MAST2: variants seen among roughly 807,000 people sequenced by gnomAD.
The protein encoded by MAST2 is microtubule-associated serine/threonine-protein kinase 2.
In MAST2, 70 loss-of-function variants were observed where a neutral mutation model predicts 147.4. The ratio of observed to expected loss-of-function variants is 0.47; its 90% CI spans 0.39 to 0.58. MAST2 has a LOEUF of 0.58. Among genes scored for constraint, MAST2 ranks in the 20% least tolerant of loss-of-function variants. The probability of loss-of-function intolerance (pLI) is 0.00; values close to 1 mark genes in which losing one functional copy is unlikely to be tolerated. For missense variants in MAST2, 2,080 were observed against 2,302.3 expected, an observed-to-expected ratio of 0.90 and a Z score of 1.98; for synonymous variants, 869 against 896.8, an observed-to-expected ratio of 0.97 and a Z score of 0.55.
At chr1:45,931,377 G>GATTT (rs1553235899) in intron 4 of MAST2, among the ~76,000 whole-genome samples, 4 of 101,224 alleles carry the variant, frequency 4.0e-5, no homozygotes, top group Admixed American at 2.5e-4. Context: ...ATTGTGTTCT[G>GATTT]TTTTTTTTTT....
rs779025021 is a variant in MAST2 at position 46,028,923 on chromosome 1, G to A, written c.2208G>A (p.Gln736=). The A allele has an allele frequency of 1.3e-6, 2 of 1,592,836 alleles. No individual in the cohort carries two copies. Among genetic ancestry groups the A allele is most frequent in the South Asian group, 2.3e-5 (2 of 86,222 alleles). Residue 736 remains glutamine (Q), a synonymous_variant, in exon 18 of 29, where the codon CAG becomes CAA. Coordinates refer to ENST00000361297, the MANE Select transcript of MAST2 (RefSeq NM_015112.3). ...FGDTPEELFG[Q]VISDEIVWPE... Reference sequence around the variant, plus strand: ...ATACTCCGGAGGAGCTCTTTGGGCAGGTGATCAGTGGTAGGTACTATGCCC... The same window carrying A: ...ATACTCCGGAGGAGCTCTTTGGGCAAGTGATCAGTGGTAGGTACTATGCCC...
chr1:45,914,709 A>G (rs1446670654), intron 4 of MAST2, among the ~76,000 whole-genome samples: 1 of 152,194 alleles, frequency 6.6e-6, no homozygotes, highest in African/African-American at 2.4e-5. Flanking sequence ...TATTGATTGA[A>G]TTAATGATTC....
At chr1:45,916,295 T>C (rs1652492726) in intron 4 of MAST2, among the ~76,000 whole-genome samples, 1 of 152,022 alleles carries the variant, frequency 6.6e-6, no homozygotes, top group Non-Finnish European at 1.5e-5. Context: ...ACTTAAGTAA[T>C]TTTTTTACCT....
intron 4 of MAST2, chr1:45,917,607 T>A: frequency 9.1e-7 from 1 of 1,095,896 alleles, no homozygotes; most frequent in South Asian, 1.3e-5. Flanking sequence ...ACCTTACTCC[T>A]TAATAATGGG....
chr1:45,937,369 G>T (rs141311529), intron 4 of MAST2, among the ~76,000 whole-genome samples: 1 of 150,970 alleles, frequency 6.6e-6, no homozygotes, highest in Non-Finnish European at 1.5e-5. Flanking sequence ...GGGCCCAAGC[G>T]ATCCTCCCAC....
chr1:45,928,246 C>G (rs534227089), intron 4 of MAST2, among the ~76,000 whole-genome samples: 1 of 152,314 alleles, frequency 6.6e-6, no homozygotes, highest in African/African-American at 2.4e-5. Context: ...GTCATTTCAT[C>G]TATACATATT....
intron 3 of MAST2, among the ~76,000 whole-genome samples, chr1:45,879,077 T>G (rs1048493317): frequency 6.6e-6 from 1 of 151,722 alleles, no homozygotes; most frequent in African/African-American, 2.4e-5. Context: ...AACCACAGAA[T>G]CATGATAGTG....
intron 3 of MAST2, among the ~76,000 whole-genome samples, chr1:45,865,311 A>G (rs934656216): frequency 6.6e-6 from 1 of 152,204 alleles, no homozygotes; most frequent in African/African-American, 2.4e-5. Context: ...GAACTTATCT[A>G]AAATCTTGCT....
At chr1:45,965,758 C>A (rs548119047) in intron 5 of MAST2, among the ~76,000 whole-genome samples, 1 of 151,876 alleles carries the variant, frequency 6.6e-6, no homozygotes, top group East Asian at 1.9e-4. Context: ...GTTTTAGGTT[C>A]ACAGCAAAAT....
At chr1:45,889,548 T>C (rs1286405283) in intron 4 of MAST2, among the ~76,000 whole-genome samples, 1 of 152,174 alleles carries the variant, frequency 6.6e-6, no homozygotes, top group Non-Finnish European at 1.5e-5. Flanking sequence ...GTGGTTGCTA[T>C]ATTTTTCTCC....
At chr1:45,919,493 C>T (rs974226663) in intron 4 of MAST2, among the ~76,000 whole-genome samples, 17 of 152,158 alleles carry the variant, frequency 1.1e-4, no homozygotes, top group Non-Finnish European at 2.9e-5. Flanking sequence ...TTAAGTGAAA[C>T]ACAATGTATC....
chr1:45,847,504 T>A, intron 3 of MAST2: 2 of 796,632 alleles, frequency 2.5e-6, no homozygotes, highest in Non-Finnish European at 4.0e-6. Flanking sequence ...TTTTCCTTTT[T>A]TTCTTATTTG....
At chr1:45,914,579 C>T (rs1652179081) in intron 4 of MAST2, among the ~76,000 whole-genome samples, 1 of 152,154 alleles carries the variant, frequency 6.6e-6, no homozygotes, top group African/African-American at 2.4e-5. Flanking sequence ...TTGTTTAACC[C>T]ACAGGGCTAA....
At chr1:45,916,473 G>T (rs1271969060) in intron 4 of MAST2, among the ~76,000 whole-genome samples, 1 of 151,898 alleles carries the variant, frequency 6.6e-6, no homozygotes, top group Non-Finnish European at 1.5e-5. Context: ...AATAATCTTC[G>T]ATAGGACTTA....
At chr1:45,917,700 G>A (rs933278621) in intron 4 of MAST2, among the ~76,000 whole-genome samples, 2 of 152,184 alleles carry the variant, frequency 1.3e-5, no homozygotes, top group South Asian at 4.1e-4. Flanking sequence ...CAAAATGTCA[G>A]GAGAAAGGAG....
In MAST2 at chr1:46,029,949, T is replaced by C; in HGVS notation, c.2439T>C (p.Phe813=). The C allele has an allele frequency of 1.2e-6, 2 of 1,614,166 alleles. No individual in the cohort carries two copies. Among genetic ancestry groups the C allele is most frequent in the Non-Finnish European group, 1.7e-6 (2 of 1,180,026 alleles). The part of the protein sequence containing the change: ...QLESEDDTSY[F]DTRSERYHHM... The stretch of plus-strand genomic sequence containing the variant: ...AGTCAGAGGATGATACTAGCTATTT[T>C]GACAGTAAGGCCACCGATGGGTGGG... The change falls in exon 20 of 29, where the codon TTT becomes TTC. Residue 813 remains phenylalanine, a synonymous_variant. Transcript: ENST00000361297.
chr1:46,027,636 A>G (rs1183603857), intron 16 of MAST2, 95 bp from the exon 17 acceptor site: 4 of 1,370,484 alleles, frequency 2.9e-6, no homozygotes, highest in South Asian at 2.7e-5. Context: ...CAGTACCCCC[A>G]TGGAAGCCTG....
At chr1:45,924,756 A>G (rs967394792) in intron 4 of MAST2, among the ~76,000 whole-genome samples, 4 of 152,302 alleles carry the variant, frequency 2.6e-5, no homozygotes, top group Admixed American at 1.3e-4. Context: ...TTAAAGGGGC[A>G]ATTAAGGTTA....
chr1:45,954,329 A>G (rs1659356840), intron 4 of MAST2, among the ~76,000 whole-genome samples: 1 of 152,200 alleles, frequency 6.6e-6, no homozygotes. Flanking sequence ...TTTGAAGGCT[A>G]GAAACGATCT....
Sources: allele counts gnomAD v4.1 joint callset (sites outside exome capture counted in the v4.1 genomes callset), GRCh38; gene constraint gnomAD v4.1.1; transcripts MANE v1.5; gene names NCBI Gene and HGNC (gene_info 2026-07-23, HGNC 2026-07-21).